ZNF185: variants seen among roughly 807,000 people sequenced by gnomAD.
ZNF185 encodes the protein zinc finger protein 185 with LIM domain, also known as zinc finger protein 185.
A neutral mutation model predicts 58.6 loss-of-function variants in ZNF185; 56 were observed. That is an observed-to-expected ratio of 0.95 (90% CI 0.77 to 1.19). The LOEUF (loss-of-function observed/expected upper bound fraction) is 1.19. ZNF185 is among the 50% of genes most tolerant of loss of function. The probability of loss-of-function intolerance (pLI) is 0.00; values close to 1 mark genes in which losing one functional copy is unlikely to be tolerated. For missense variants in ZNF185, 627 were observed against 573.5 expected, an observed-to-expected ratio of 1.09 and a Z score of -0.95; for synonymous variants, 230 against 215.9, an observed-to-expected ratio of 1.07 and a Z score of -0.57.
chrX:152,950,559 A>C (rs12014319), intron 16 of ZNF185, among the ~76,000 whole-genome samples: 6,356 of 111,464 alleles, frequency 0.057, 468 homozygotes, highest in African/African-American at 0.2. Context: ...AGACTAATTT[A>C]GGGAAGGTTC....
intron 16 of ZNF185, among the ~76,000 whole-genome samples, chrX:152,959,014 G>C (rs1360659085): frequency 8.9e-6 from 1 of 112,647 alleles, no homozygotes; most frequent in Non-Finnish European, 1.9e-5. Context: ...GGTTGTTTTG[G>C]GCGAGATCGA....
At chrX:152,932,342 G>A (rs1942152985) in intron 13 of ZNF185, among the ~76,000 whole-genome samples, 1 of 112,493 alleles carries the variant, frequency 8.9e-6, no homozygotes, top group Non-Finnish European at 1.9e-5. Context: ...GAGTCCAGAT[G>A]GGATGATTGT....
At chrX:152,923,696 A>G (rs782575745) in intron 11 of ZNF185, among the ~76,000 whole-genome samples, 3 of 111,984 alleles carry the variant, frequency 2.7e-5, no homozygotes, top group Non-Finnish European at 5.6e-5. Flanking sequence ...GGAGCGCACA[A>G]TCTAGATCTC....
rs1362779034 is a variant in ZNF185 at position 152,967,347 on chromosome X, A to G, written c.1871+109A>G. On this transcript the variant is annotated intron_variant, in intron 20 of 22. Coordinates refer to ENST00000449285, the Ensembl canonical transcript of ZNF185. ...TTTGTCTTCTGCTTTGCAGCCTCCA[A>G]TCCATTTGCAGAAAGGTGAAGGACA... is the stretch of plus-strand genomic sequence containing the variant. 3.5e-5 allele frequency: 27 copies of G among 769,307 alleles called. No individual in the cohort carries two copies. In the East Asian group the frequency reaches 6.8e-4, roughly 19 times the overall value. 63.4% of individuals were successfully genotyped at this position (769,307 alleles called of 1,213,427 possible).
intron 3 of ZNF185, among the ~76,000 whole-genome samples, chrX:152,916,219 C>T (rs1556865649): frequency 9.0e-6 from 1 of 111,662 alleles, no homozygotes; most frequent in African/African-American, 3.3e-5. Flanking sequence ...TTGGAGACTA[C>T]CGGAGGCTCT....
intron 14 of ZNF185, among the ~76,000 whole-genome samples, chrX:152,934,073 C>T (rs1008517350): frequency 8.8e-6 from 1 of 113,024 alleles, no homozygotes; most frequent in Non-Finnish European, 1.9e-5. Flanking sequence ...ATGCAGCCTG[C>T]ATCTTTTTGC....
upstream of ZNF185, among the ~76,000 whole-genome samples, chrX:152,912,989 C>T (rs1226332047): frequency 8.9e-6 from 1 of 112,958 alleles, no homozygotes; most frequent in Non-Finnish European, 1.9e-5. Flanking sequence ...ACAGCAGGCT[C>T]GGGCTGTCTG....
intron 7 of ZNF185, among the ~76,000 whole-genome samples, chrX:152,919,491 A>G (rs1939256498): frequency 1.8e-5 from 2 of 111,113 alleles, no homozygotes; most frequent in African/African-American, 6.6e-5. Flanking sequence ...CCGGACCCCA[A>G]ACTGAGCTCC....
At chrX:152,970,980 A>G (rs2050620878) in intron 22 of ZNF185, among the ~76,000 whole-genome samples, 1 of 111,965 alleles carries the variant, frequency 8.9e-6, no homozygotes, top group Non-Finnish European at 1.9e-5. Context: ...AGGACTGCAT[A>G]GCCATGGTGC....
At chrX:152,972,470 C>T (rs1227344350) in exon 23 of ZNF185, 1 of 109,409 alleles carries the variant, frequency 9.1e-6, no homozygotes, top group African/African-American at 3.3e-5. Flanking sequence ...CCATGAAGTA[C>T]TTCAAGGGCC....
chrX:152,921,964 G>A (rs782740127), intron 9 of ZNF185, among the ~76,000 whole-genome samples: 1 of 111,494 alleles, frequency 9.0e-6, no homozygotes, highest in Non-Finnish European at 1.9e-5. Flanking sequence ...CAGGTTCCAG[G>A]GGACATGAAT....
the ZNF185 span, among the ~76,000 whole-genome samples, chrX:152,898,108 A>ACCGCGCCCCGCGCACCGCGCCCCGCGCC: frequency 9.6e-6 from 1 of 104,075 alleles, no homozygotes; most frequent in Non-Finnish European, 2.0e-5. Context: ...CCCGCTGTGC[A>ACCGCGCCCCGCGCACCGCGCCCCGCGCC]CCGCGCCCCG....
chrX:152,916,286 C>G (rs1252719469), intron 3 of ZNF185, among the ~76,000 whole-genome samples: 1 of 111,352 alleles, frequency 9.0e-6, no homozygotes, highest in African/African-American at 3.3e-5. Context: ...CACTGCAGGA[C>G]AGAAGGGTCT....
At position 152,938,157 on chromosome X, in the gene ZNF185, C is replaced by T; in HGVS notation, c.1205C>T (p.Pro402Leu). 1 of 1,181,636 alleles carries T rather than the reference C, an allele frequency of 8.5e-7. No homozygotes were observed. The highest frequency in any genetic ancestry group is 2.4e-5 in the Admixed American group (1 of 41,577). Reference sequence around the variant, plus strand: ...GCCCAGGAGGATGCAAAGGCAGACCCAAAGGGGTAAGGCATGAGCAGACAG... The same window carrying T: ...GCCCAGGAGGATGCAAAGGCAGACCTAAAGGGGTAAGGCATGAGCAGACAG... The change falls in exon 15 of 23, where the codon CCA becomes CTA. Residue 402 changes from proline (P) to leucine (L), a missense_variant. Coordinates refer to ENST00000449285, the Ensembl canonical transcript of ZNF185.
intron 11 of ZNF185, among the ~76,000 whole-genome samples, chrX:152,924,115 A>G (rs1367077699): frequency 1.8e-5 from 2 of 109,844 alleles, no homozygotes; most frequent in African/African-American, 6.7e-5. Context: ...CCTGCGTCCT[A>G]ATCACTTCTG....
intron 20 of ZNF185, among the ~76,000 whole-genome samples, chrX:152,968,665 G>A (rs1178352053): frequency 1.8e-5 from 2 of 112,925 alleles, no homozygotes; most frequent in Non-Finnish European, 3.7e-5. Flanking sequence ...CGTGGATCTA[G>A]ATTGTTAATG....
chrX:152,900,285 C>T, the ZNF185 span, among the ~76,000 whole-genome samples: 2 of 112,844 alleles, frequency 1.8e-5, no homozygotes, highest in African/African-American at 3.2e-5. Flanking sequence ...CAAGCAAACT[C>T]CCCCAATTCT....
chrX:152,938,088 C>G lies in ZNF185; in HGVS notation c.1136C>G (p.Ser379Ter). Residue 379 changes from serine (S) to a stop codon, truncating the protein, a stop_gained, in exon 15 of 23, where the codon TCA (serine) becomes TGA (stop). Transcript: ENST00000449285. LOFTEE classifies it high-confidence loss of function. Reference sequence around the variant, plus strand: ...TCCTTCCTCAGCTCCAGTGCCACTTCAGTCTCTGCTGTCCCTGCTGATAGG... The same window carrying G: ...TCCTTCCTCAGCTCCAGTGCCACTTGAGTCTCTGCTGTCCCTGCTGATAGG... 1 of 1,179,452 alleles carries G rather than the reference C, an allele frequency of 8.5e-7. No homozygotes were observed. Among genetic ancestry groups the G allele is most frequent in the Non-Finnish European group, 1.1e-6 (1 of 878,838 alleles).
chrX:152,959,176 T>G (rs782588160), intron 16 of ZNF185, among the ~76,000 whole-genome samples: 183 of 111,851 alleles, frequency 1.6e-3, no homozygotes, highest in African/African-American at 5.7e-3. Flanking sequence ...AACAGCGGAT[T>G]TGGGAATCTG....
Sources: gnomAD v4.1 joint callset for allele counts (sites outside exome capture counted in the v4.1 genomes callset) on GRCh38, gnomAD v4.1.1 for gene constraint, MANE v1.5 for transcripts, NCBI Gene and HGNC (gene_info 2026-07-23, HGNC 2026-07-21) for gene names.